The following ADAMTSL1 variants were observed in gnomAD, a reference collection of about 807,000 sequenced individuals.
ADAMTSL1 encodes the protein ADAMTS-like protein 1.
Under a neutral mutation model 201.8 loss-of-function variants are expected in ADAMTSL1, and 126 were observed. The ratio of observed to expected loss-of-function variants is 0.62; its 90% confidence interval spans 0.54 to 0.72. The LOEUF (loss-of-function observed/expected upper bound fraction) is 0.72, where lower values mean the gene tolerates loss of function less well. ADAMTSL1 is among the 30% of genes least tolerant of loss of function. ADAMTSL1 has a pLI of 0.00. For missense variants in ADAMTSL1, 2,679 were observed against 2,277.8 expected, an observed-to-expected ratio of 1.18 and a Z score of -3.59; for synonymous variants, 1,121 against 903.4, an observed-to-expected ratio of 1.24 and a Z score of -4.32.
chr9:18,435,866 A>G (rs925723459), intron 2 of ADAMTSL1, among the ~76,000 whole-genome samples: 2 of 152,012 alleles, frequency 1.3e-5, no homozygotes, highest in African/African-American at 4.8e-5. Flanking sequence ...CACAGGAAAG[A>G]CCCGTCCCCA....
intron 20 of ADAMTSL1, among the ~76,000 whole-genome samples, chr9:18,804,071 G>T (rs1048245092): frequency 1.3e-5 from 2 of 152,148 alleles, no homozygotes; most frequent in African/African-American, 4.8e-5. Context: ...TAAACAGAGG[G>T]ATTTAAATAG....
chr9:18,733,855 A>G, intron 15 of ADAMTSL1, among the ~76,000 whole-genome samples: 1 of 151,958 alleles, frequency 6.6e-6, no homozygotes, highest in Non-Finnish European at 1.5e-5. Flanking sequence ...TGTACGGGGT[A>G]CAGTCTTCTC....
chr9:18,545,312 G>C (rs992638853), intron 3 of ADAMTSL1, among the ~76,000 whole-genome samples: 2 of 152,116 alleles, frequency 1.3e-5, no homozygotes, highest in Non-Finnish European at 2.9e-5. Flanking sequence ...CTAAGGAGTG[G>C]TCCTGTCAGG....
intron 2 of ADAMTSL1, among the ~76,000 whole-genome samples, chr9:18,423,898 T>C (rs562916346): frequency 6.6e-6 from 1 of 152,350 alleles, no homozygotes. Context: ...TTTTCCAGTA[T>C]GAGATTAAGA....
chr9:18,213,431 C>G (rs544228888), intron 2 of ADAMTSL1, among the ~76,000 whole-genome samples: 2 of 152,272 alleles, frequency 1.3e-5, no homozygotes, highest in African/African-American at 4.8e-5. Flanking sequence ...TCCCAGCGCC[C>G]TCTAGTGTTG....
intron 19 of ADAMTSL1, among the ~76,000 whole-genome samples, chr9:18,778,390 G>C (rs1821189533): frequency 6.6e-6 from 1 of 152,206 alleles, no homozygotes; most frequent in African/African-American, 2.4e-5. Context: ...TATCTGTGCT[G>C]GACAAGGCTG....
At chr9:18,630,342 G>A (rs1826675351) in intron 5 of ADAMTSL1, among the ~76,000 whole-genome samples, 1 of 152,132 alleles carries the variant, frequency 6.6e-6, no homozygotes, top group East Asian at 1.9e-4. Context: ...TAATTCTTTT[G>A]TGTAGTTCTT....
intron 1 of ADAMTSL1, among the ~76,000 whole-genome samples, chr9:18,138,587 G>T (rs1374571454): frequency 1.3e-5 from 2 of 152,150 alleles, no homozygotes; most frequent in Non-Finnish European, 2.9e-5. Flanking sequence ...TGTTCCTCCT[G>T]TGGAACACTG....
intron 1 of ADAMTSL1, among the ~76,000 whole-genome samples, chr9:17,946,903 A>G (rs1156267454): frequency 7.2e-5 from 11 of 152,166 alleles, no homozygotes; most frequent in Non-Finnish European, 1.0e-4. Flanking sequence ...GATTTTGAGC[A>G]GAATGCAATA....
chr9:18,282,106 C>T (rs1327627491), intron 2 of ADAMTSL1, among the ~76,000 whole-genome samples: 1 of 152,130 alleles, frequency 6.6e-6, no homozygotes, highest in African/African-American at 2.4e-5. Context: ...CAATCCTTCC[C>T]CCGCTTTTAG....
intron 3 of ADAMTSL1, among the ~76,000 whole-genome samples, chr9:18,559,973 C>T (rs1260165174): frequency 6.6e-6 from 1 of 152,106 alleles, no homozygotes; most frequent in African/African-American, 2.4e-5. Context: ...ATTTGACTTC[C>T]CCTTTTCCTA....
Position 18,906,689 on chromosome 9 carries a change from C to A in ADAMTSL1, c.4962-3C>A. On this transcript the variant is annotated splice_polypyrimidine_tract_variant and splice_region_variant and intron_variant, in intron 27 of 28. Transcript: ENST00000380548. ...CCTTAACCCTGCCACCATCCTCCTG[C>A]AGGCCTGTGAGCACCCAGAACTGCT... 1 of 1,578,390 alleles carries A rather than the reference C, an allele frequency of 6.3e-7. No individual in the cohort carries two copies. The highest frequency in any genetic ancestry group is 1.2e-5 in the South Asian group (1 of 86,654).
rs546339370 is a variant in ADAMTSL1, at chr9:18,902,064, T to C, written c.4852-3718T>C. 2.0e-5 allele frequency among the ~76,000 whole-genome samples: 3 copies of C among 152,274 alleles called. 1 individual carries two copies. The highest frequency in any genetic ancestry group is 7.2e-5 in the African/African-American group (3 of 41,570). On this transcript the variant is annotated intron_variant, in intron 26 of 28. Coordinates refer to ENST00000380548, the MANE Select transcript of ADAMTSL1 (RefSeq NM_001040272.6). ...TAAAAGGGTCAATATACCAAGAACATATAACAATTATAAACATGCATGCAC... is the reference window on the plus strand; with the variant it reads ...TAAAAGGGTCAATATACCAAGAACACATAACAATTATAAACATGCATGCAC...
At chr9:18,845,205 C>A (rs1451653216) in intron 23 of ADAMTSL1, among the ~76,000 whole-genome samples, 1 of 152,238 alleles carries the variant, frequency 6.6e-6, no homozygotes, top group Non-Finnish European at 1.5e-5. Context: ...AGCACACTCT[C>A]CTTAGTGAGC....
chr9:18,906,944 A>AT lies in ADAMTSL1; in HGVS notation c.5182+34dup, dbSNP rs763933622. 4.3e-6 allele frequency: 7 copies of AT among 1,611,988 alleles called. No individual in the cohort carries two copies. In the Admixed American group the frequency reaches 1.0e-4, roughly 23 times the overall value. On this transcript the variant is annotated intron_variant, in intron 28 of 28. Transcript: ENST00000380548. ...TCCAACCCCAAAGAACCTTCTGCAA[A>AT]TTCCCCATAGAGCATCGAGTGCAGA... is the stretch of plus-strand genomic sequence containing the variant.
At chr9:18,865,766 C>T (rs1169950289) in intron 23 of ADAMTSL1, among the ~76,000 whole-genome samples, 1 of 152,122 alleles carries the variant, frequency 6.6e-6, no homozygotes, top group Non-Finnish European at 1.5e-5. Context: ...CCTTCTGCTG[C>T]CAGAACTCTC....
At chr9:18,383,819 C>T (rs1563925939) in intron 2 of ADAMTSL1, among the ~76,000 whole-genome samples, 1 of 152,248 alleles carries the variant, frequency 6.6e-6, no homozygotes, top group East Asian at 1.9e-4. Flanking sequence ...TGTTACATTC[C>T]TCTACTTTTG....
intron 3 of ADAMTSL1, among the ~76,000 whole-genome samples, chr9:18,535,681 G>A (rs1256943064): frequency 6.6e-6 from 1 of 152,156 alleles, no homozygotes; most frequent in East Asian, 1.9e-4. Context: ...CTCTTCAGGG[G>A]TGGGGATTGT....
At chr9:18,824,501 G>GT (rs1554643127) in intron 21 of ADAMTSL1, among the ~76,000 whole-genome samples, 1 of 152,058 alleles carries the variant, frequency 6.6e-6, no homozygotes, top group Non-Finnish European at 1.5e-5. Flanking sequence ...TCAAGGACAC[G>GT]TAACAGATAC....
Sources: gnomAD v4.1 joint callset for allele counts (sites outside exome capture counted in the v4.1 genomes callset) on GRCh38, gnomAD v4.1.1 for gene constraint, MANE v1.5 for transcripts, NCBI Gene and HGNC (gene_info 2026-07-23, HGNC 2026-07-21) for gene names.